The following USH2A variants were observed in gnomAD, a reference collection of about 807,000 sequenced individuals.
USH2A encodes the protein Usher syndrome 2A (autosomal recessive, mild).
Under a neutral mutation model 538.9 loss-of-function variants are expected in USH2A, and 443 were observed. The ratio of observed to expected loss-of-function variants is 0.82; its 90% CI spans 0.76 to 0.89. The LOEUF (loss-of-function observed/expected upper bound fraction) is 0.89. Ranked by LOEUF, USH2A falls within the 40% of genes least tolerant of loss-of-function variation. The pLI is 0.00. For synonymous variants in USH2A, 2,413 were observed against 2,273.5 expected (o/e 1.06, Z -1.75); for missense variants, 6,633 against 6,324.8 (o/e 1.05, Z -1.65).
Position 215,680,185 on chromosome 1 carries a change from C to T in USH2A, c.12258G>A (p.Gln4086=). 1 of 1,614,142 alleles carries T rather than the reference C, an allele frequency of 6.2e-7. No individual in the cohort carries two copies. Among genetic ancestry groups the T allele is most frequent in the Non-Finnish European group, 8.5e-7 (1 of 1,180,010 alleles). ...QKENGRALLL[Q]WSEPMRTNGV... ...CATTGGTTCTCATAGGTTCTGACCA[C>T]TGTAGTAGCAATGCCCGGCCATTCT... Residue 4086 remains glutamine (Q), a synonymous_variant, in exon 62 of 72, where the codon CAG becomes CAA. Coordinates refer to ENST00000307340, the MANE Select transcript of USH2A (RefSeq NM_206933.4).
Position 215,697,948 on chromosome 1 carries a change from G to C in USH2A, c.12067-17572C>G, listed in dbSNP as rs184541483. The stretch of plus-strand genomic sequence containing the variant: ...ACCCATCAGCCCGTCATCTACATTA[G>C]GTATTTCTCCTAATGTTACCCCTCC... On this transcript the variant is annotated intron_variant, in intron 61 of 71. Transcript: ENST00000307340. 2.8e-3 allele frequency among the ~76,000 whole-genome samples: 428 copies of C among 152,276 alleles called. 2 individuals carry two copies. The highest frequency in any genetic ancestry group is 7.7e-3 in the African/African-American group (318 of 41,544).
Position 216,126,205 on chromosome 1 carries a change from CT to C in USH2A, c.4628-28993del, listed in dbSNP as rs368086050. 4.4e-3 allele frequency among the ~76,000 whole-genome samples: 634 copies of C among 144,770 alleles called. 2 individuals carry two copies. Among genetic ancestry groups the C allele is most frequent in the African/African-American group, 0.015 (608 of 40,874 alleles). The allele number at this position is 144,770 out of a possible 152,430, so 95.0% of individuals were successfully genotyped here. A position where few individuals can be genotyped will look rare whatever the true frequency, so the allele number is the denominator to read the frequency against. On this transcript the variant is annotated intron_variant, in intron 21 of 71. Transcript: ENST00000307340. ...TCTTCCTGGCAATTAACAGCCGTTG[CT>C]TTTTTTGTTGTTGTTGTTTTGTTTT... is the stretch of plus-strand genomic sequence containing the variant.
chr1:216,401,253 T>C (rs996463321), intron 3 of USH2A, among the ~76,000 whole-genome samples: 17 of 152,064 alleles, frequency 1.1e-4, no homozygotes, highest in Non-Finnish European at 2.2e-4. Flanking sequence ...ACATATACTT[T>C]AATACCTAGA....
chr1:215,993,173 CAG>C lies in USH2A; in HGVS notation c.6658-8_6658-7del. Reference sequence around the variant, plus strand: ...CACCCACCACCTGTGCAAGCCTAAACAGAGATGCAAAAATGCTCATTTCACTC... The same window carrying C: ...CACCCACCACCTGTGCAAGCCTAAACAGATGCAAAAATGCTCATTTCACTC... On this transcript the variant is annotated splice_region_variant and splice_polypyrimidine_tract_variant and intron_variant, in intron 34 of 71. Coordinates refer to ENST00000307340, the MANE Select transcript of USH2A (RefSeq NM_206933.4). 1.2e-6 allele frequency: 2 copies of C among 1,613,974 alleles called. No individual in the cohort carries two copies. Among genetic ancestry groups the C allele is most frequent in the South Asian group, 2.2e-5 (2 of 91,086 alleles).
At chr1:215,903,779 T>C (rs1470274579) in intron 38 of USH2A, among the ~76,000 whole-genome samples, 1 of 151,998 alleles carries the variant, frequency 6.6e-6, no homozygotes, top group Non-Finnish European at 1.5e-5. Context: ...GTGGATGAAA[T>C]GGAGGCTTGA....
rs567055184 is a variant in USH2A, at chr1:215,730,604, T to G, written c.11712-2220A>C. Reference sequence around the variant, plus strand: ...CCAGCTCCATCAAAATGTAAAGGGTTATTAAGACAAAGTGAATGACAGTTA... The same window carrying G: ...CCAGCTCCATCAAAATGTAAAGGGTGATTAAGACAAAGTGAATGACAGTTA... On this transcript the variant is annotated intron_variant, in intron 60 of 71. Coordinates refer to ENST00000307340, the MANE Select transcript of USH2A (RefSeq NM_206933.4). Among the ~76,000 whole-genome samples the G allele has an allele frequency of 1.6e-4, 24 of 152,326 alleles. No homozygotes were observed. In the East Asian group the frequency reaches 4.6e-3, roughly 29 times the overall value.
At chr1:216,149,994 C>T (rs1027802880) in intron 21 of USH2A, among the ~76,000 whole-genome samples, 1 of 152,090 alleles carries the variant, frequency 6.6e-6, no homozygotes, top group Admixed American at 6.5e-5. Context: ...TTCTGAAGAA[C>T]AGTAATAACC....
chr1:215,855,061 TC>T (rs1384776102), intron 44 of USH2A, among the ~76,000 whole-genome samples: 1 of 152,196 alleles, frequency 6.6e-6, no homozygotes, highest in Non-Finnish European at 1.5e-5. Context: ...TTGAGGACTC[TC>T]TTACCATCCC....
intron 61 of USH2A, among the ~76,000 whole-genome samples, 156 bp from the exon 62 acceptor site, chr1:215,680,532 C>T (rs570722314): frequency 2.6e-5 from 4 of 152,022 alleles, no homozygotes; most frequent in South Asian, 2.1e-4. Flanking sequence ...GAAAACAACG[C>T]ATTTTTTCTT....
At chr1:215,656,574 G>A (rs1301568992) in intron 64 of USH2A, among the ~76,000 whole-genome samples, 1 of 152,150 alleles carries the variant, frequency 6.6e-6, no homozygotes, top group Non-Finnish European at 1.5e-5. Flanking sequence ...CCTAATGTAA[G>A]TGATGATGAC....
At chr1:215,945,683 T>G (rs75524081) in intron 37 of USH2A, among the ~76,000 whole-genome samples, 4,887 of 152,236 alleles carry the variant, frequency 0.032, 123 homozygotes, top group South Asian at 0.084. Flanking sequence ...ATGAAGATTA[T>G]TATCTTCTTT....
chr1:215,668,368 T>C (rs1657698907), intron 64 of USH2A, among the ~76,000 whole-genome samples: 1 of 152,240 alleles, frequency 6.6e-6, no homozygotes, highest in South Asian at 2.1e-4. Context: ...TATTTTCTGA[T>C]CATTTATTTC....
chr1:216,314,077 C>T (rs952126643), intron 9 of USH2A, among the ~76,000 whole-genome samples: 1 of 152,108 alleles, frequency 6.6e-6, no homozygotes, highest in Non-Finnish European at 1.5e-5. Context: ...TCAGAAAAAT[C>T]ATGTCATTCC....
At position 215,658,311 on chromosome 1, in the gene USH2A, C is replaced by A. The variant is rs77579247; in HGVS notation, c.14134-7510G>T. The stretch of plus-strand genomic sequence containing the variant: ...GAGGAAACAGGAACCCACCCCCATC[C>A]GACTCTCATGGAGGATATGTAAAAG... On this transcript the variant is annotated intron_variant, in intron 64 of 71. Coordinates refer to ENST00000307340, the MANE Select transcript of USH2A (RefSeq NM_206933.4). 5.7e-3 allele frequency among the ~76,000 whole-genome samples: 872 copies of A among 151,902 alleles called. 22 individuals are homozygous for A. In the South Asian group the frequency reaches 0.07, roughly 12 times the overall value.
chr1:216,373,685 A>G (rs1356935205), intron 3 of USH2A, among the ~76,000 whole-genome samples: 1 of 152,170 alleles, frequency 6.6e-6, no homozygotes, highest in East Asian at 1.9e-4. Flanking sequence ...TTTAAAGCCC[A>G]TTCAAGTTTT....
chr1:215,721,298 C>A (rs185407756), intron 61 of USH2A, among the ~76,000 whole-genome samples: 190 of 152,284 alleles, frequency 1.2e-3, no homozygotes, highest in African/African-American at 4.3e-3. Flanking sequence ...TGGTCTCGAA[C>A]GCCTGACCTC....
At chr1:216,059,662 G>A (rs1391236127) in intron 30 of USH2A, among the ~76,000 whole-genome samples, 2 of 152,150 alleles carry the variant, frequency 1.3e-5, no homozygotes, top group African/African-American at 2.4e-5. Flanking sequence ...GCTCTACCAA[G>A]ACATTGCAAT....
chr1:216,172,850 C>G (rs2034297826), intron 21 of USH2A, among the ~76,000 whole-genome samples: 1 of 152,150 alleles, frequency 6.6e-6, no homozygotes, highest in Non-Finnish European at 1.5e-5. Context: ...TCCTATCCCT[C>G]TTTCTTACTT....
chr1:216,329,147 G>A (rs2037797965), intron 4 of USH2A, among the ~76,000 whole-genome samples: 1 of 152,152 alleles, frequency 6.6e-6, no homozygotes, highest in Non-Finnish European at 1.5e-5. Context: ...ATTCCTCCAA[G>A]TGGTGTTATG....
Sources: gnomAD v4.1 joint callset for allele counts (sites outside exome capture counted in the v4.1 genomes callset) on GRCh38, gnomAD v4.1.1 for gene constraint, MANE v1.5 for transcripts, NCBI Gene and HGNC (gene_info 2026-07-23, HGNC 2026-07-21) for gene names.